DCUN1D4: variants seen among roughly 807,000 people sequenced by gnomAD.
DCUN1D4 encodes DCN1-like protein 4.
Under a neutral mutation model 47.9 loss-of-function variants are expected in DCUN1D4, and 22 were observed. The observed-to-expected ratio is 0.46, with a 90% confidence interval of 0.33 to 0.66. DCUN1D4 has a LOEUF of 0.66. Ranked by LOEUF, DCUN1D4 falls within the 30% of genes least tolerant of loss-of-function variation. DCUN1D4 has a pLI of 0.02. For missense variants in DCUN1D4, 301 were observed against 340.8 expected, an observed-to-expected ratio of 0.88 and a Z score of 0.92; for synonymous variants, 121 against 112.2, an observed-to-expected ratio of 1.08 and a Z score of -0.50.
intron 8 of DCUN1D4, among the ~76,000 whole-genome samples, chr4:51,899,770 A>G (rs1219933241): frequency 2.6e-5 from 4 of 152,208 alleles, no homozygotes; most frequent in African/African-American, 9.6e-5. Flanking sequence ...CGTGGGTGCT[A>G]TTATTGTATT....
chr4:51,855,104 A>G (rs1242746730), intron 1 of DCUN1D4, among the ~76,000 whole-genome samples: 3 of 152,192 alleles, frequency 2.0e-5, no homozygotes, highest in Non-Finnish European at 4.4e-5. Context: ...AGGAAGAGTG[A>G]CAAAGACATA....
chr4:51,886,454 C>A, intron 5 of DCUN1D4, 114 bp from the exon 6 acceptor site: 1 of 805,570 alleles, frequency 1.2e-6, no homozygotes, highest in Non-Finnish European at 1.9e-6. Flanking sequence ...ATTTTTTTTT[C>A]CAAAAGGAGT....
chr4:51,894,290 G>A (rs1415356707), intron 7 of DCUN1D4, among the ~76,000 whole-genome samples: 1 of 152,156 alleles, frequency 6.6e-6, no homozygotes, highest in African/African-American at 2.4e-5. Flanking sequence ...TCATCAGTGA[G>A]GTGGAGATAA....
At chr4:51,854,710 AC>A (rs1723868517) in intron 1 of DCUN1D4, among the ~76,000 whole-genome samples, 1 of 152,160 alleles carries the variant, frequency 6.6e-6, no homozygotes, top group Non-Finnish European at 1.5e-5. Context: ...TCATGGAGTA[AC>A]CTCCATGTTG....
At chr4:51,868,808 A>G (rs1042180494) in intron 3 of DCUN1D4, among the ~76,000 whole-genome samples, 13 of 152,138 alleles carry the variant, frequency 8.5e-5, no homozygotes, top group African/African-American at 3.1e-4. Context: ...AATAGCACAA[A>G]ATAGGAGTGA....
chr4:51,912,498 C>G (rs1487234672), intron 9 of DCUN1D4, among the ~76,000 whole-genome samples: 1 of 152,188 alleles, frequency 6.6e-6, no homozygotes, highest in Non-Finnish European at 1.5e-5. Flanking sequence ...ATTGACTCAA[C>G]TCTCTTTGCT....
chr4:51,860,562 G>T (rs1380682942), intron 1 of DCUN1D4: 1 of 455,040 alleles, frequency 2.2e-6, no homozygotes, highest in Admixed American at 2.4e-5. Context: ...GAAGTATGGT[G>T]CTGGCATCTG....
intron 8 of DCUN1D4, among the ~76,000 whole-genome samples, chr4:51,908,582 T>C (rs1212128144): frequency 1.3e-5 from 2 of 151,906 alleles, no homozygotes; most frequent in African/African-American, 2.4e-5. Flanking sequence ...CTCCTTGAAT[T>C]TGTTACGGTG....
chr4:51,843,094 G>T, upstream of DCUN1D4: 3 of 1,426,530 alleles, frequency 2.1e-6, no homozygotes, highest in Non-Finnish European at 2.8e-6. Context: ...CCTGAGCCGC[G>T]GTTTAGCCAA....
intron 6 of DCUN1D4, among the ~76,000 whole-genome samples, chr4:51,887,885 T>C (rs1729751211): frequency 6.6e-6 from 1 of 151,930 alleles, no homozygotes; most frequent in African/African-American, 2.4e-5. Flanking sequence ...CATAGATTTT[T>C]ATCTTGGTTT....
At chr4:51,863,766 A>G in intron 3 of DCUN1D4, 57 bp downstream of exon 3, 1 of 1,512,702 alleles carries the variant, frequency 6.6e-7, no homozygotes, top group Admixed American at 1.8e-5. Flanking sequence ...ATTAGGAAAG[A>G]GAAATACTAG....
chr4:51,879,628 A>G (rs1468670152), intron 5 of DCUN1D4, among the ~76,000 whole-genome samples: 3 of 152,192 alleles, frequency 2.0e-5, no homozygotes, highest in Non-Finnish European at 4.4e-5. Flanking sequence ...AATAATTGAC[A>G]CTGTACCAGA....
chr4:51,887,171 G>T, intron 6 of DCUN1D4: 1 of 443,366 alleles, frequency 2.3e-6, no homozygotes, highest in South Asian at 1.6e-5. Flanking sequence ...TATGATGTCG[G>T]CTCACTGCAA....
chr4:51,841,543 CT>C (rs746735531), upstream of DCUN1D4, among the ~76,000 whole-genome samples: 182 of 152,174 alleles, frequency 1.2e-3, no homozygotes, highest in Middle Eastern at 6.8e-3. Context: ...GCGAAAGAAC[CT>C]GAAGCAAATA....
At chr4:51,870,117 C>T (rs907763320) in intron 3 of DCUN1D4, among the ~76,000 whole-genome samples, 1 of 152,108 alleles carries the variant, frequency 6.6e-6, no homozygotes, top group Non-Finnish European at 1.5e-5. Context: ...TAATTAAGTA[C>T]TTTAAAATGG....
chr4:51,916,805 A>G lies in DCUN1D4; in HGVS notation c.*3221A>G, dbSNP rs1734366615. 1 of 152,612 alleles carries G rather than the reference A, an allele frequency of 6.6e-6. No individual in the cohort carries two copies. The highest frequency in any genetic ancestry group is 2.4e-5 in the African/African-American group (1 of 41,470). The allele number at this position is 152,612 out of a possible 1,614,324, so 9.5% of individuals were successfully genotyped here. Reference sequence around the variant, plus strand: ...TGACATTGATGTAAAATGATATCCCATGAATAAAAAGTATTTGTGTTTGGT... The same window carrying G: ...TGACATTGATGTAAAATGATATCCCGTGAATAAAAAGTATTTGTGTTTGGT... On this transcript the variant is annotated 3_prime_UTR_variant, in exon 11 of 11. Coordinates refer to ENST00000334635, the MANE Select transcript of DCUN1D4 (RefSeq NM_001040402.3).
At chr4:51,902,496 CTCTCT>C (rs1464443517) in intron 8 of DCUN1D4, among the ~76,000 whole-genome samples, 2 of 152,190 alleles carry the variant, frequency 1.3e-5, no homozygotes, top group Non-Finnish European at 2.9e-5. Flanking sequence ...TATGTAATGT[CTCTCT>C]TTATCTCTAG....
chr4:51,852,761 C>A (rs538446176), intron 1 of DCUN1D4, among the ~76,000 whole-genome samples: 5 of 152,312 alleles, frequency 3.3e-5, no homozygotes, highest in African/African-American at 1.2e-4. Flanking sequence ...AGTAGCTTCG[C>A]AAAGAGGTTC....
chr4:51,901,343 C>T (rs1360138915), intron 8 of DCUN1D4, among the ~76,000 whole-genome samples: 2 of 152,150 alleles, frequency 1.3e-5, no homozygotes, highest in Non-Finnish European at 2.9e-5. Context: ...GAAATGGCCA[C>T]GTTGTTCATA....
Sources: allele counts gnomAD v4.1 joint callset (sites outside exome capture counted in the v4.1 genomes callset), GRCh38; gene constraint gnomAD v4.1.1; transcripts MANE v1.5; gene names NCBI Gene and HGNC (gene_info 2026-07-23, HGNC 2026-07-21).